The following LRRC9 variants were observed in gnomAD, a reference collection of about 807,000 sequenced individuals.
The protein encoded by LRRC9 is leucine rich repeat containing 9.
In LRRC9, 122 loss-of-function variants were observed where a neutral mutation model predicts 63.2. The ratio of observed to expected loss-of-function variants is 1.93; its 90% CI spans 1.67 to 2.24. LRRC9 has a LOEUF of 2.24. Ranked by LOEUF, LRRC9 falls within the 30% of genes most tolerant of loss-of-function variation. LRRC9 has a pLI of 0.00. For missense variants in LRRC9, 1,071 were observed against 627.7 expected, an observed-to-expected ratio of 1.71 and a Z score of -7.55; for synonymous variants, 366 against 213.1, an observed-to-expected ratio of 1.72 and a Z score of -6.25.
intron 28 of LRRC9, among the ~76,000 whole-genome samples, chr14:60,029,715 T>A (rs1891840773): frequency 6.6e-6 from 1 of 152,108 alleles, no homozygotes; most frequent in African/African-American, 2.4e-5. Context: ...CCATACTTAG[T>A]CAAGCTTATT....
At position 60,003,443 on chromosome 14, in the gene LRRC9, C is replaced by A. The variant is rs1416220427; in HGVS notation, c.2665-178C>A. On this transcript the variant is annotated intron_variant, in intron 20 of 31. Transcript: ENST00000445360. The surrounding 1 kb of genome is among the most constrained non-coding windows in gnomAD (Gnocchi z 4.2). Reference sequence around the variant, plus strand: ...TATAAGTCCTTCTTGGAGTTATAATCTCGTCAAATTTTACTTTTCTGTAAA... The same window carrying A: ...TATAAGTCCTTCTTGGAGTTATAATATCGTCAAATTTTACTTTTCTGTAAA... Among the ~76,000 whole-genome samples, 1 of 152,228 alleles carries A rather than the reference C, an allele frequency of 6.6e-6. No homozygotes were observed. The highest frequency in any genetic ancestry group is 1.5e-5 in the Non-Finnish European group (1 of 68,032).
chr14:59,966,767 T>C lies in LRRC9; in HGVS notation c.1388+2T>C, dbSNP rs562085589. 8.0e-6 allele frequency: 5 copies of C among 624,272 alleles called. No homozygotes were observed. The highest frequency in any genetic ancestry group is 5.5e-5 in the African/African-American group (3 of 54,660). The allele number at this position is 624,272 out of a possible 1,614,324, so 38.7% of individuals were successfully genotyped here. On this transcript the variant is annotated splice_donor_variant, in intron 11 of 31. Transcript: ENST00000445360. LOFTEE classifies it high-confidence loss of function. This position sits in a 1 kb window ranked among gnomAD's most constrained non-coding sequence, Gnocchi z 4.0. ...GAATGAAGATATGCATGATTCAGAG[T>C]AAGAAGCTGAATTCTTTATGGAACA...
intron 17 of LRRC9, among the ~76,000 whole-genome samples, chr14:59,996,761 T>G (rs552954383): frequency 3.1e-4 from 47 of 152,306 alleles, no homozygotes; most frequent in African/African-American, 1.1e-3. Flanking sequence ...GAAATCTACT[T>G]GGCAGTATTT....
chr14:59,961,766 C>T (rs1340037085), intron 10 of LRRC9, among the ~76,000 whole-genome samples: 1 of 152,048 alleles, frequency 6.6e-6, no homozygotes, highest in African/African-American at 2.4e-5. Flanking sequence ...TTTCAAATTA[C>T]CCTTAAAAAA....
chr14:60,022,087 T>C (rs923784287), intron 26 of LRRC9, among the ~76,000 whole-genome samples: 2 of 151,974 alleles, frequency 1.3e-5, no homozygotes, highest in Admixed American at 6.6e-5. Flanking sequence ...TTTGGGAGAA[T>C]TGCCATTTTA....
chr14:59,957,559 G>A (rs1470783410), intron 8 of LRRC9, among the ~76,000 whole-genome samples: 1 of 151,936 alleles, frequency 6.6e-6, no homozygotes, highest in African/African-American at 2.4e-5. Flanking sequence ...TAGCTTCCTT[G>A]CATTGGGTTA....
At chr14:59,974,824 C>A in intron 13 of LRRC9, 116 bp downstream of exon 13, 1 of 477,990 alleles carries the variant, frequency 2.1e-6, no homozygotes, top group Non-Finnish European at 3.7e-6. Flanking sequence ...TTCTTCAAAC[C>A]ATTTTATTTC....
intron 27 of LRRC9, among the ~76,000 whole-genome samples, chr14:60,026,361 C>T (rs1346547560): frequency 6.6e-6 from 1 of 152,018 alleles, no homozygotes; most frequent in Non-Finnish European, 1.5e-5. Flanking sequence ...ATTAGTAATG[C>T]TGAGCATTTT....
At chr14:59,992,603 G>T (rs772242312) in intron 17 of LRRC9, among the ~76,000 whole-genome samples, 1 of 152,108 alleles carries the variant, frequency 6.6e-6, no homozygotes, top group Non-Finnish European at 1.5e-5. Flanking sequence ...CCAATGCAGA[G>T]AAGTCCTTAA....
chr14:59,996,200 T>G (rs1018089260), intron 17 of LRRC9, among the ~76,000 whole-genome samples: 1 of 148,744 alleles, frequency 6.7e-6, no homozygotes, highest in Non-Finnish European at 1.5e-5. Context: ...CTTAAAGGTG[T>G]TTTTTTTTTC....
rs150262478 is a variant in LRRC9, at chr14:59,977,568, T to TTGTGTGTG, written c.1762+249_1762+256dup. 1.1e-3 allele frequency among the ~76,000 whole-genome samples: 156 copies of TTGTGTGTG among 144,610 alleles called. No homozygotes were observed. In the East Asian group the frequency reaches 0.016, roughly 15 times the overall value. 94.9% of individuals were successfully genotyped at this position (144,610 alleles called of 152,430 possible). Reference sequence around the variant, plus strand: ...GGCAAATTTTAATGTAATTATGTATTTGTGTGTGTGTGTGTGTGTGTGTGT... The same window carrying TTGTGTGTG: ...GGCAAATTTTAATGTAATTATGTATTTGTGTGTGTGTGTGTGTGTGTGTGTGTGTGTGT... On this transcript the variant is annotated intron_variant, in intron 14 of 31. Transcript: ENST00000445360.
intron 23 of LRRC9, among the ~76,000 whole-genome samples, chr14:60,015,812 C>A (rs936778184): frequency 6.6e-6 from 1 of 152,140 alleles, no homozygotes; most frequent in African/African-American, 2.4e-5. Flanking sequence ...CAGGTTCCCA[C>A]TCAGCAGGTG....
rs1889637308 is a variant in LRRC9 at position 59,930,789 on chromosome 14, A to G, written c.268-129A>G. The G allele has an allele frequency of 4.1e-6, 1 of 245,890 alleles. No homozygotes were observed. Among genetic ancestry groups the G allele is most frequent in the Non-Finnish European group, 7.8e-6 (1 of 128,538 alleles). The allele number at this position is 245,890 out of a possible 1,614,324, so 15.2% of individuals were successfully genotyped here. A position where few individuals can be genotyped will look rare whatever the true frequency, so the allele number is the denominator to read the frequency against. On this transcript the variant is annotated intron_variant, in intron 3 of 31. Transcript: ENST00000445360. This position sits in a 1 kb window ranked among gnomAD's most constrained non-coding sequence, Gnocchi z 4.9. Reference sequence around the variant, plus strand: ...ATATTTTTTTCTTTTAAAACAGTTCATTTTGCTGGATATTGATTTTGCAAT... The same window carrying G: ...ATATTTTTTTCTTTTAAAACAGTTCGTTTTGCTGGATATTGATTTTGCAAT...
chr14:60,050,202 G>C (rs932764185), intron 29 of LRRC9, among the ~76,000 whole-genome samples: 3 of 151,984 alleles, frequency 2.0e-5, no homozygotes, highest in African/African-American at 7.3e-5. Context: ...CACCATGTTG[G>C]CCAGGCTGGT....
chr14:59,947,436 A>C (rs1594845442), intron 8 of LRRC9, among the ~76,000 whole-genome samples: 1 of 122,298 alleles, frequency 8.2e-6, no homozygotes, highest in African/African-American at 3.5e-5. Context: ...GGTTGCAAAA[A>C]TTTTCTCCCA....
chr14:59,945,028 A>G (rs1448295496), intron 8 of LRRC9, among the ~76,000 whole-genome samples: 1 of 151,938 alleles, frequency 6.6e-6, no homozygotes, highest in African/African-American at 2.4e-5. Context: ...TTTTGTTTAA[A>G]AAAACTGTGT....
chr14:59,943,088 T>C (rs1315655571), intron 7 of LRRC9, among the ~76,000 whole-genome samples: 1 of 152,092 alleles, frequency 6.6e-6, no homozygotes, highest in Admixed American at 6.6e-5. Context: ...GGATGAGTAG[T>C]TTGCAAATAT....
chr14:59,935,712 A>T (rs758655033), intron 6 of LRRC9, among the ~76,000 whole-genome samples: 14 of 152,220 alleles, frequency 9.2e-5, no homozygotes, highest in Non-Finnish European at 1.6e-4. Flanking sequence ...TGTTACAGCT[A>T]ATGATATCAG....
At position 60,022,867 on chromosome 14, in the gene LRRC9, C is replaced by T. The variant is rs1312867369; in HGVS notation, c.3700C>T (p.Gln1234Ter). ...AAGAAATTTAAAATTCCTCTTTCTA[C>T]AGGGTGAGTAGAAACACTGTTACTG... Residue 1234 changes from glutamine to a stop codon, truncating the protein, a stop_gained, in exon 27 of 32, where the codon CAG becomes TAG. Transcript: ENST00000445360. LOFTEE classifies it high-confidence loss of function. 110 of 665,354 alleles carry T rather than the reference C, an allele frequency of 1.7e-4. No homozygotes were observed. The East Asian group carries it at 3.1e-3, about 19-fold the overall frequency. The allele number at this position is 665,354 out of a possible 1,614,324, so 41.2% of individuals were successfully genotyped here.
Sources: allele counts gnomAD v4.1 joint callset (sites outside exome capture counted in the v4.1 genomes callset), GRCh38; gene constraint gnomAD v4.1.1; non-coding constraint Gnocchi (gnomAD v3.1); transcripts MANE v1.5; gene names NCBI Gene and HGNC (gene_info 2026-07-23, HGNC 2026-07-21).